The following ADCY3 variants were observed in gnomAD, a reference collection of about 807,000 sequenced individuals.
The protein encoded by ADCY3 is adenylate cyclase 3.
A neutral mutation model predicts 119.4 loss-of-function variants in ADCY3; 70 were observed. The observed-to-expected ratio is 0.59, with a 90% confidence interval of 0.48 to 0.72. The LOEUF is 0.72. ADCY3 is among the 30% of genes least tolerant of loss of function. ADCY3 has a pLI of 0.00. For synonymous variants in ADCY3, 672 were observed against 621.4 expected, an observed-to-expected ratio of 1.08 and a Z score of -1.21; for missense variants, 1,238 against 1,541.6, an observed-to-expected ratio of 0.80 and a Z score of 3.30.
intron 2 of ADCY3, among the ~76,000 whole-genome samples, chr2:24,888,952 T>A (rs1677380415): frequency 6.6e-6 from 1 of 152,170 alleles, no homozygotes; most frequent in Non-Finnish European, 1.5e-5. Context: ...GAGGTTGCAG[T>A]GAGCTGAGGT....
chr2:24,852,340 G>T (rs555337502), intron 3 of ADCY3, among the ~76,000 whole-genome samples: 29 of 152,296 alleles, frequency 1.9e-4, no homozygotes, highest in South Asian at 1.9e-3. Context: ...AGGCAGGGGT[G>T]GGGGGTACAG....
At position 24,841,485 on chromosome 2, in the gene ADCY3, C is replaced by T. The variant is rs1007026159; in HGVS notation, c.1068+71G>A. On this transcript the variant is annotated intron_variant, in intron 5 of 21. Coordinates refer to ENST00000679454, the MANE Select transcript of ADCY3 (RefSeq NM_004036.5). The surrounding 1 kb of genome is among the most constrained non-coding windows in gnomAD (Gnocchi z 5.8). ...GGACAGTGGGAGAAAATCATGGGGC[C>T]GGGGATGGGGGCCAGGCAGAGGCCA... 5.7e-6 allele frequency: 9 copies of T among 1,588,988 alleles called. No homozygotes were observed. The highest frequency in any genetic ancestry group is 2.3e-5 in the East Asian group (1 of 44,252).
rs373311157 is a variant in ADCY3 at position 24,834,531 on chromosome 2, C to T, written c.1921G>A (p.Val641Ile). 22 of 1,613,748 alleles carry T rather than the reference C, an allele frequency of 1.4e-5. No individual in the cohort carries two copies. Among genetic ancestry groups the T allele is most frequent in the South Asian group, 9.9e-5 (9 of 91,052 alleles). The change falls in exon 11 of 22, where the codon GTC becomes ATC. Residue 641 changes from valine (V) to isoleucine (I), a missense_variant. Coordinates refer to ENST00000679454, the MANE Select transcript of ADCY3 (RefSeq NM_004036.5). This position sits in a 1 kb window ranked among gnomAD's most constrained non-coding sequence, Gnocchi z 4.2. ...QSGAAFSCSC[V>I]VLLCTALVEI... ...ACCAGGGCCGTGCAGAGCAGGACGA[C>T]GCAGGAGCAGCTGAAGGCAGCCCCA...
Position 24,898,085 on chromosome 2 carries a change from C to T in ADCY3, c.675+20228G>A, listed in dbSNP as rs531048938. ...CAGGCTTCTTTGTTACTACTGCACC[C>T]AACTCTCCAGTCAGAGGTTCTCCAC... On this transcript the variant is annotated intron_variant, in intron 2 of 21. Coordinates refer to ENST00000679454, the MANE Select transcript of ADCY3 (RefSeq NM_004036.5). This position sits in a 1 kb window ranked among gnomAD's most constrained non-coding sequence, Gnocchi z 4.3. Among the ~76,000 whole-genome samples, 160 of 152,258 alleles carry T rather than the reference C, an allele frequency of 1.1e-3. 1 individual carries two copies. The Middle Eastern group carries it at 0.014, about 13-fold the overall frequency.
intron 3 of ADCY3, among the ~76,000 whole-genome samples, chr2:24,855,419 G>C (rs530257384): frequency 8.5e-5 from 13 of 152,214 alleles, no homozygotes; most frequent in Non-Finnish European, 1.6e-4. Context: ...GAAACCGAGA[G>C]AGAAGACTGC....
At chr2:24,891,269 A>G (rs1380084927) in intron 2 of ADCY3, among the ~76,000 whole-genome samples, 1 of 152,234 alleles carries the variant, frequency 6.6e-6, no homozygotes, top group African/African-American at 2.4e-5. Context: ...AAAATATTAA[A>G]TGAAAAATTT....
At chr2:24,846,256 C>T (rs896934255) in intron 3 of ADCY3, among the ~76,000 whole-genome samples, 2 of 152,180 alleles carry the variant, frequency 1.3e-5, no homozygotes, top group Non-Finnish European at 1.5e-5. Context: ...TGGCACCATG[C>T]ACCTGGAAAA....
chr2:24,884,690 T>G (rs554170352), intron 2 of ADCY3, among the ~76,000 whole-genome samples: 1 of 152,190 alleles, frequency 6.6e-6, no homozygotes, highest in South Asian at 2.1e-4. Flanking sequence ...TTGGCCTGGC[T>G]GGTCTTGAAC....
At chr2:24,892,850 G>A (rs1389752905) in intron 2 of ADCY3, among the ~76,000 whole-genome samples, 4 of 152,006 alleles carry the variant, frequency 2.6e-5, no homozygotes, top group Non-Finnish European at 4.4e-5. Context: ...TTTTGGTAGA[G>A]ATGGGGTTTT....
rs781037068 is a variant in ADCY3, at chr2:24,834,458, C to T, written c.1967+27G>A. The T allele has an allele frequency of 7.0e-6, 11 of 1,562,004 alleles. No homozygotes were observed. The highest frequency in any genetic ancestry group is 7.0e-5 in the East Asian group (3 of 42,734). On this transcript the variant is annotated intron_variant, in intron 11 of 21. Coordinates refer to ENST00000679454, the MANE Select transcript of ADCY3 (RefSeq NM_004036.5). The surrounding 1 kb of genome is among the most constrained non-coding windows in gnomAD (Gnocchi z 4.2). ...CGGCACCACCGCAGCCGAGGAAACT[C>T]GTGGCCCTCCCCGGCCCCTCCCTCA... is the stretch of plus-strand genomic sequence containing the variant.
At chr2:24,887,108 G>A (rs1356914363) in intron 2 of ADCY3, among the ~76,000 whole-genome samples, 2 of 152,208 alleles carry the variant, frequency 1.3e-5, no homozygotes, top group African/African-American at 4.8e-5. Context: ...AGCATGGCTG[G>A]GAAGGCCTCA....
intron 2 of ADCY3, among the ~76,000 whole-genome samples, chr2:24,876,967 T>TC (rs1454329918): frequency 6.6e-6 from 1 of 152,072 alleles, no homozygotes; most frequent in Non-Finnish European, 1.5e-5. Context: ...GGGTGGCCCT[T>TC]CCCCACACCC....
chr2:24,854,650 G>C (rs905819783), intron 3 of ADCY3, among the ~76,000 whole-genome samples: 6 of 152,138 alleles, frequency 3.9e-5, no homozygotes, highest in African/African-American at 1.2e-4. Context: ...CTGTACCTGA[G>C]ACTCCCAAAC....
At chr2:24,844,946 T>C (rs1671492924) in intron 3 of ADCY3, among the ~76,000 whole-genome samples, 1 of 152,196 alleles carries the variant, frequency 6.6e-6, no homozygotes, top group African/African-American at 2.4e-5. Context: ...GTGCTATTCT[T>C]GTGATAGTGA....
chr2:24,901,431 AAAAGT>A (rs1194148270), intron 2 of ADCY3, among the ~76,000 whole-genome samples: 2 of 152,260 alleles, frequency 1.3e-5, no homozygotes, highest in Admixed American at 6.5e-5. Flanking sequence ...TGTTTCTAAA[AAAAGT>A]AAAGTGAGTA....
At chr2:24,852,558 G>A (rs141824612) in intron 3 of ADCY3, among the ~76,000 whole-genome samples, 85 of 152,324 alleles carry the variant, frequency 5.6e-4, no homozygotes, top group Non-Finnish European at 8.4e-4. Flanking sequence ...GGCAAAGCCC[G>A]GCCTCAGAGC....
At chr2:24,857,780 A>G (rs1673186604) in intron 3 of ADCY3, among the ~76,000 whole-genome samples, 1 of 152,144 alleles carries the variant, frequency 6.6e-6, no homozygotes, top group African/African-American at 2.4e-5. Context: ...CACCCTGGGC[A>G]TAAAGGCCCA....
rs775801797 is a variant in ADCY3, at chr2:24,819,991, C to G, written c.3376G>C (p.Ala1126Pro). The stretch of plus-strand genomic sequence containing the variant: ...ACAGAGGGGCCATTGGGGAAGGTGG[C>G]TAGCTTATCCCGCCCCTTCAAGAAG... ...TFFLKGRDKL[A>P]TFPNGPSVTL... The change falls in exon 22 of 22, where the codon GCC becomes CCC. Residue 1126 changes from alanine to proline, a missense_variant. Physicochemically the swap from Ala to Pro is conservative, Grantham distance 27. Transcript: ENST00000679454. 2 of 1,613,398 alleles carry G rather than the reference C, an allele frequency of 1.2e-6. No individual in the cohort carries two copies. Among genetic ancestry groups the G allele is most frequent in the South Asian group, 2.2e-5 (2 of 91,036 alleles).
intron 2 of ADCY3, among the ~76,000 whole-genome samples, chr2:24,897,562 C>A (rs1392745844): frequency 6.6e-6 from 1 of 152,154 alleles, no homozygotes; most frequent in African/African-American, 2.4e-5. Flanking sequence ...CGGCGCGAAA[C>A]AGGTGCTTGG....
Sources: allele counts gnomAD v4.1 joint callset (sites outside exome capture counted in the v4.1 genomes callset), GRCh38; gene constraint gnomAD v4.1.1; non-coding constraint Gnocchi (gnomAD v3.1); transcripts MANE v1.5; gene names NCBI Gene and HGNC (gene_info 2026-07-23, HGNC 2026-07-21).